Variants in WDR70 observed in about 807,000 individuals in gnomAD.
WDR70 encodes the protein WD repeat-containing protein 70.
Under a neutral mutation model 88.6 loss-of-function variants are expected in WDR70, and 53 were observed. The ratio of observed to expected loss-of-function variants is 0.60; its 90% CI spans 0.48 to 0.75. The LOEUF (loss-of-function observed/expected upper bound fraction) is 0.75. Among genes scored for constraint, WDR70 ranks in the 30% least tolerant of loss-of-function variants. The probability of loss-of-function intolerance (pLI) is 0.00; values close to 1 mark genes in which losing one functional copy is unlikely to be tolerated. For missense variants in WDR70, 610 were observed against 823.2 expected (o/e 0.74, Z 3.17); for synonymous variants, 280 against 270.0 (o/e 1.04, Z -0.36).
At position 37,673,594 on chromosome 5, in the gene WDR70, A is replaced by AC. The variant is rs535476791; in HGVS notation, c.1093-24058dup. On this transcript the variant is annotated intron_variant, in intron 10 of 17. Coordinates refer to ENST00000265107, the MANE Select transcript of WDR70 (RefSeq NM_018034.4). ...TTTTGACTTTTCTTACCCCCCCCCC[A>AC]CCCTTTTTTTTTCTTTCCAACTTTT... 3.9e-4 allele frequency among the ~76,000 whole-genome samples: 9 copies of AC among 22,964 alleles called. No homozygotes were observed. The South Asian group carries it at 0.014, about 36-fold the overall frequency. The allele number at this position is 22,964 out of a possible 152,430, so 15.1% of individuals were successfully genotyped here.
chr5:37,613,634 A>G (rs888622145), intron 10 of WDR70, among the ~76,000 whole-genome samples: 4 of 152,130 alleles, frequency 2.6e-5, no homozygotes, highest in African/African-American at 9.7e-5. Flanking sequence ...CTTCATGTAG[A>G]GTTGTTTGTC....
intron 10 of WDR70, among the ~76,000 whole-genome samples, chr5:37,642,897 T>A (rs1474613737): frequency 1.3e-5 from 2 of 152,206 alleles, no homozygotes; most frequent in Non-Finnish European, 2.9e-5. Flanking sequence ...TAATCCCTTG[T>A]CAGATGGGTA....
At chr5:37,441,548 C>T (rs1201432266) in intron 6 of WDR70, among the ~76,000 whole-genome samples, 2 of 152,020 alleles carry the variant, frequency 1.3e-5, no homozygotes, top group Admixed American at 6.6e-5. Context: ...GGCCAGGTGC[C>T]GTGGCTCACA....
At chr5:37,623,843 T>C (rs1168548286) in intron 10 of WDR70, among the ~76,000 whole-genome samples, 1 of 152,174 alleles carries the variant, frequency 6.6e-6, no homozygotes, top group Non-Finnish European at 1.5e-5. Flanking sequence ...AAGTATACAT[T>C]TATTTATTCA....
At chr5:37,747,801 A>G (rs1404759335) in intron 17 of WDR70, among the ~76,000 whole-genome samples, 3 of 152,212 alleles carry the variant, frequency 2.0e-5, no homozygotes, top group African/African-American at 7.2e-5. Context: ...CTCAAGATAC[A>G]AAATCATTGT....
chr5:37,509,329 C>A (rs963748474), intron 8 of WDR70, among the ~76,000 whole-genome samples: 2 of 151,852 alleles, frequency 1.3e-5, no homozygotes, highest in Admixed American at 6.6e-5. Flanking sequence ...CTTGGGATTA[C>A]CTTTTTGACC....
chr5:37,722,976 A>G, intron 15 of WDR70, 42 bp downstream of exon 15: 13 of 1,605,244 alleles, frequency 8.1e-6, no homozygotes, highest in Non-Finnish European at 1.1e-5. Context: ...TCTCTCTTCT[A>G]CTCTCATGTG....
intron 10 of WDR70, among the ~76,000 whole-genome samples, chr5:37,649,733 C>CTTTTTTATTTTTTTTTT (rs1745341131): frequency 1.5e-5 from 1 of 68,738 alleles, no homozygotes; most frequent in Non-Finnish European, 2.5e-5. Flanking sequence ...GTTATTACTT[C>CTTTTTTATTTTTTTTTT]TTTTTTTTTT....
intron 10 of WDR70, among the ~76,000 whole-genome samples, chr5:37,677,113 ATTCTTCTCTCTT>A (rs1180954295): frequency 1.3e-5 from 2 of 150,846 alleles, no homozygotes; most frequent in African/African-American, 4.9e-5. Context: ...CATCTATTTG[ATTCTTCTCTCTT>A]TTCTTCTTTA....
At chr5:37,382,815 C>A (rs1481752646) in intron 3 of WDR70, among the ~76,000 whole-genome samples, 9 of 152,058 alleles carry the variant, frequency 5.9e-5, no homozygotes, top group African/African-American at 2.2e-4. Flanking sequence ...GAGTTCGTGA[C>A]CAGCCTGGCC....
intron 10 of WDR70, among the ~76,000 whole-genome samples, chr5:37,647,799 C>G (rs946031321): frequency 5.3e-5 from 8 of 152,184 alleles, no homozygotes; most frequent in African/African-American, 1.9e-4. Flanking sequence ...AGGAATGGCA[C>G]AAGATGCTTG....
intron 9 of WDR70, among the ~76,000 whole-genome samples, chr5:37,555,332 A>G (rs1194081734): frequency 2.0e-5 from 3 of 152,228 alleles, no homozygotes; most frequent in Non-Finnish European, 4.4e-5. Context: ...CCAACACAAC[A>G]TTCTCATAAA....
chr5:37,431,904 G>T (rs959337356), intron 5 of WDR70, among the ~76,000 whole-genome samples: 1 of 152,116 alleles, frequency 6.6e-6, no homozygotes, highest in Non-Finnish European at 1.5e-5. Context: ...TTTTAAGACG[G>T]AAAAATATTC....
intron 7 of WDR70, among the ~76,000 whole-genome samples, chr5:37,454,514 G>GA (rs937750710): frequency 1.3e-5 from 2 of 152,046 alleles, no homozygotes; most frequent in African/African-American, 4.8e-5. Context: ...AATAAAAAAA[G>GA]AAAAAACAGA....
chr5:37,736,706 G>A (rs748263780), intron 17 of WDR70, among the ~76,000 whole-genome samples: 1 of 150,886 alleles, frequency 6.6e-6, no homozygotes, highest in Admixed American at 6.6e-5. Context: ...AGGGGGCTTT[G>A]TGGGATTAGG....
intron 10 of WDR70, among the ~76,000 whole-genome samples, chr5:37,657,764 T>G (rs186128527): frequency 5.4e-4 from 82 of 152,360 alleles, no homozygotes; most frequent in Non-Finnish European, 4.9e-4. Flanking sequence ...CTTGATAATC[T>G]GACTCCAGTA....
chr5:37,590,584 A>G (rs1207612044), intron 9 of WDR70, among the ~76,000 whole-genome samples: 1 of 152,196 alleles, frequency 6.6e-6, no homozygotes, highest in African/African-American at 2.4e-5. Context: ...TTATCCAGTT[A>G]GGCCTTAAAT....
chr5:37,609,982 A>C (rs982471886), intron 10 of WDR70, among the ~76,000 whole-genome samples: 1 of 152,204 alleles, frequency 6.6e-6, no homozygotes, highest in Non-Finnish European at 1.5e-5. Flanking sequence ...CCTTCTTCTT[A>C]TTAATACATG....
At chr5:37,515,054 A>T (rs1340436275) in intron 8 of WDR70, among the ~76,000 whole-genome samples, 1 of 152,076 alleles carries the variant, frequency 6.6e-6, no homozygotes, top group Non-Finnish European at 1.5e-5. Flanking sequence ...AGAGAGACTA[A>T]TAACAAACCT....
Sources: gnomAD v4.1 joint callset for allele counts (sites outside exome capture counted in the v4.1 genomes callset) on GRCh38, gnomAD v4.1.1 for gene constraint, MANE v1.5 for transcripts, NCBI Gene and HGNC (gene_info 2026-07-23, HGNC 2026-07-21) for gene names.